The following GPS1 variants were observed in gnomAD, a reference collection of about 807,000 sequenced individuals.
GPS1 encodes the protein G protein pathway suppressor 1, also known as COP9 signalosome complex subunit 1.
GPS1 carries 11 observed loss-of-function variants against 60.0 expected under a neutral mutation model. That is an observed-to-expected ratio of 0.18 (90% CI 0.12 to 0.30). The LOEUF (loss-of-function observed/expected upper bound fraction) is 0.30. Ranked by LOEUF, GPS1 falls within the 10% of genes least tolerant of loss-of-function variation. The pLI is 1.00. For missense variants in GPS1, 543 were observed against 669.2 expected (o/e 0.81, Z 2.08); for synonymous variants, 343 against 269.8 (o/e 1.27, Z -2.66).
In GPS1 at chr17:82,056,741, G is replaced by A. The variant is rs371322935; in HGVS notation, c.1229G>A (p.Ser410Asn). 15 of 1,588,152 alleles carry A rather than the reference G, an allele frequency of 9.4e-6. No individual in the cohort carries two copies. The African/African-American group carries it at 1.9e-4, about 20-fold the overall frequency. The change falls in exon 11 of 13, where the codon AGT (serine) becomes AAT (asparagine). Residue 410 changes from serine to asparagine, a missense_variant. This residue lies in a region of GPS1 where 291 missense variants were observed against 353.7 expected (regional missense o/e 0.82). Transcript: ENST00000578552. Reference protein sequence around the residue: ...LTQLILEGLISARVDSHSKIL... With the variant: ...LTQLILEGLINARVDSHSKIL... ...CAGCTAATCCTGGAGGGGCTGATCA[G>A]TGCCCGTGTGGACTCACACAGCAAG...
rs767711993 is a variant in GPS1, at chr17:82,056,687, C to T, written c.1175C>T (p.Thr392Met). Residue 392 changes from threonine (T) to methionine (M), a missense_variant, in exon 11 of 13, where the codon ACG (threonine) becomes ATG (methionine). By Grantham distance (81) the Thr-to-Met change is moderately conservative. Transcript: ENST00000578552. ...AGGATGGCGGCAGCCTTCAATACCA[C>T]GGTGGCCGCCCTGGAGGACGAGCTG... ...MHRMAAAFNTTVAALEDELTQ... is the reference protein window; with the variant it reads ...MHRMAAAFNTMVAALEDELTQ... The T allele has an allele frequency of 1.9e-6, 3 of 1,597,208 alleles. No homozygotes were observed. Among genetic ancestry groups the T allele is most frequent in the Admixed American group, 1.7e-5 (1 of 59,106 alleles).
chr17:82,057,342 T>C lies in GPS1; in HGVS notation c.*215T>C, dbSNP rs1598537591. 1.4e-6 allele frequency: 1 copy of C among 726,070 alleles called. No homozygotes were observed. The highest frequency in any genetic ancestry group is 1.7e-5 in the African/African-American group (1 of 57,630). The allele number at this position is 726,070 out of a possible 1,614,324, so 45.0% of individuals were successfully genotyped here. ...GGCCTGCAGGGCTCGACCCTGTGGGTTTCTGTCCCCAGGGAGCAGACTGTG... is the reference window on the plus strand; with the variant it reads ...GGCCTGCAGGGCTCGACCCTGTGGGCTTCTGTCCCCAGGGAGCAGACTGTG... On this transcript the variant is annotated 3_prime_UTR_variant, in exon 13 of 13. Transcript: ENST00000578552.
upstream of GPS1, chr17:82,051,666 G>T: frequency 1.0e-6 from 1 of 999,004 alleles, no homozygotes; most frequent in Non-Finnish European, 1.2e-6. The surrounding 1 kb of genome is among the most constrained non-coding windows in gnomAD (Gnocchi z 4.1). Flanking sequence ...CCGGGCCGGG[G>T]CGGGCGCGCG....
Position 82,053,278 on chromosome 17 carries a change from C to G in GPS1, c.38C>G (p.Ala13Gly). 6.5e-7 allele frequency: 1 copy of G among 1,541,358 alleles called. No individual in the cohort carries two copies. Among genetic ancestry groups the G allele is most frequent in the South Asian group, 1.2e-5 (1 of 80,466 alleles). ...LPVQVFNLQG[A>G]VEPMQIDVDP... ...GGTGCCTGGCCCATGTTGCAGGGGGCCGTGGAGCCCATGCAGATCGACGTG... is the reference window on the plus strand; with the variant it reads ...GGTGCCTGGCCCATGTTGCAGGGGGGCGTGGAGCCCATGCAGATCGACGTG... The change falls in exon 2 of 13, where the codon GCC becomes GGC. Residue 13 changes from alanine to glycine, a missense_variant. Physicochemically the swap from Ala to Gly is moderately conservative, Grantham distance 60. This residue lies in a region of GPS1 where 181 missense variants were observed against 188.8 expected (regional missense o/e 0.96). Coordinates refer to ENST00000578552, the MANE Select transcript of GPS1 (RefSeq NM_001321092.3).
At chr17:82,054,199 G>C in intron 3 of GPS1, 150 bp downstream of exon 3, 1 of 879,044 alleles carries the variant, frequency 1.1e-6, no homozygotes, top group Non-Finnish European at 1.7e-6. Context: ...GCCAGCAGTG[G>C]AAGTGCCCTG....
At chr17:82,052,552 C>T in intron 1 of GPS1, 3 of 1,443,080 alleles carry the variant, frequency 2.1e-6, no homozygotes, top group African/African-American at 1.4e-5. Context: ...CTCTGCTGGC[C>T]GAGGACAGGG....
chr17:82,056,206 G>A, intron 8 of GPS1, 80 bp from the exon 9 acceptor site: 2 of 1,364,718 alleles, frequency 1.5e-6, no homozygotes, highest in Admixed American at 1.7e-5. Context: ...TCAGGTGTTT[G>A]TCTGGGGACT....
In GPS1 at chr17:82,056,457, G is replaced by A. The variant is rs768089074; in HGVS notation, c.1036-13G>A. ...TGGCCTCCTGTCCTGGTCCTGACCAGCCCCTTCCCCAGGACAACCTGCTCC... is the reference window on the plus strand; with the variant it reads ...TGGCCTCCTGTCCTGGTCCTGACCAACCCCTTCCCCAGGACAACCTGCTCC... On this transcript the variant is annotated splice_polypyrimidine_tract_variant and intron_variant, in intron 9 of 12. Coordinates refer to ENST00000578552, the MANE Select transcript of GPS1 (RefSeq NM_001321092.3). 51 of 1,613,010 alleles carry A rather than the reference G, an allele frequency of 3.2e-5. 2 individuals carry two copies. In the South Asian group the frequency reaches 5.5e-4, roughly 17 times the overall value.
upstream of GPS1, chr17:82,051,601 G>A (rs1251246898): frequency 3.0e-5 from 38 of 1,282,966 alleles, no homozygotes; most frequent in African/African-American, 4.7e-4. This position sits in a 1 kb window ranked among gnomAD's most constrained non-coding sequence, Gnocchi z 4.1. Context: ...TCGTCAGGCC[G>A]CAGGCTGGGG....
chr17:82,051,549 G>A (rs1448340494), upstream of GPS1: 4 of 1,398,272 alleles, frequency 2.9e-6, no homozygotes, highest in African/African-American at 1.5e-5. This position sits in a 1 kb window ranked among gnomAD's most constrained non-coding sequence, Gnocchi z 4.1. Flanking sequence ...CCGCAGGCGC[G>A]GCCCGTGGTT....
In GPS1 at chr17:82,053,262, C is replaced by T. The variant is rs774388126; in HGVS notation, c.34-12C>T. ...CCAGGACGAGGTGCCAGGTGCCTGGCCCATGTTGCAGGGGGCCGTGGAGCC... is the reference window on the plus strand; with the variant it reads ...CCAGGACGAGGTGCCAGGTGCCTGGTCCATGTTGCAGGGGGCCGTGGAGCC... On this transcript the variant is annotated splice_polypyrimidine_tract_variant and intron_variant, in intron 1 of 12. Transcript: ENST00000578552. 2 of 1,529,636 alleles carry T rather than the reference C, an allele frequency of 1.3e-6. No individual in the cohort carries two copies. The highest frequency in any genetic ancestry group is 2.4e-5 in the Admixed American group (1 of 41,600). The allele number at this position is 1,529,636 out of a possible 1,614,324, so 94.8% of individuals were successfully genotyped here.
chr17:82,055,916 T>A lies in GPS1; in HGVS notation c.835-85T>A, dbSNP rs562681883. On this transcript the variant is annotated intron_variant, in intron 7 of 12. Transcript: ENST00000578552. Reference sequence around the variant, plus strand: ...AGGGTGAGGTCTCTCACAAATGGGGTCTTAGGCATTCTCCGAGCGGGTGAT... The same window carrying A: ...AGGGTGAGGTCTCTCACAAATGGGGACTTAGGCATTCTCCGAGCGGGTGAT... 6.7e-5 allele frequency: 96 copies of A among 1,426,176 alleles called. 1 individual carries two copies. In the African/African-American group the frequency reaches 1.3e-3, roughly 19 times the overall value. 88.3% of individuals were successfully genotyped at this position (1,426,176 alleles called of 1,614,324 possible).
At chr17:82,057,006 G>C in intron 12 of GPS1, 32 bp downstream of exon 12, 1 of 1,612,022 alleles carries the variant, frequency 6.2e-7, no homozygotes, top group Non-Finnish European at 8.5e-7. Flanking sequence ...CAGGCGCACG[G>C]CGTGTGGGGC....
chr17:82,056,158 G>A lies in GPS1; in HGVS notation c.929+63G>A, dbSNP rs187717950. 2.4e-5 allele frequency: 34 copies of A among 1,446,098 alleles called. No individual in the cohort carries two copies. The highest frequency in any genetic ancestry group is 2.3e-4 in the East Asian group (10 of 43,908). The allele number at this position is 1,446,098 out of a possible 1,614,324, so 89.6% of individuals were successfully genotyped here. A position where few individuals can be genotyped will look rare whatever the true frequency, so the allele number is the denominator to read the frequency against. On this transcript the variant is annotated intron_variant, in intron 8 of 12. Transcript: ENST00000578552. ...CGTCCCTCTCCGTGGCTGCTGCTTC[G>A]GCCTTGCATGTCCTGGCCCCCTGGC...
At chr17:82,053,639 GC>G in intron 2 of GPS1, 3 of 559,146 alleles carry the variant, frequency 5.4e-6, no homozygotes, top group South Asian at 2.6e-5. Context: ...ATCCCCGAAA[GC>G]CCCCGGGTGC....
chr17:82,053,594 T>A (rs1399630614), intron 2 of GPS1: 1 of 524,116 alleles, frequency 1.9e-6, no homozygotes, highest in Non-Finnish European at 3.3e-6. Flanking sequence ...TCCTCCCCGC[T>A]CAGCCTAGCG....
rs765850933 is a variant in GPS1 at position 82,057,318 on chromosome 17, GC to G, written c.*193del. On this transcript the variant is annotated 3_prime_UTR_variant, in exon 13 of 13. Transcript: ENST00000578552. ...GTTGTGGCCCTTCCTGGAAGGAGAG[GC>G]CTGCAGGGCTCGACCCTGTGGGTTT... 2.6e-6 allele frequency: 2 copies of G among 778,696 alleles called. No homozygotes were observed. Among genetic ancestry groups the G allele is most frequent in the African/African-American group, 3.4e-5 (2 of 58,412 alleles). The allele number at this position is 778,696 out of a possible 1,614,324, so 48.2% of individuals were successfully genotyped here.
At chr17:82,053,543 C>A in intron 2 of GPS1, 177 bp downstream of exon 2, 2 of 536,402 alleles carry the variant, frequency 3.7e-6, no homozygotes, top group Admixed American at 3.8e-5. Context: ...AGGCTTGTAG[C>A]TCAGCTTCAG....
chr17:82,054,879 C>T lies in GPS1; in HGVS notation c.610-19C>T. The T allele has an allele frequency of 6.4e-7, 1 of 1,571,094 alleles. No individual in the cohort carries two copies. The highest frequency in any genetic ancestry group is 8.6e-7 in the Non-Finnish European group (1 of 1,156,996). Reference sequence around the variant, plus strand: ...CATTGGGGCGCCCGGGCTCACTTGGCTCTGCGCCCCCCCGCCAGGTCAGCG... The same window carrying T: ...CATTGGGGCGCCCGGGCTCACTTGGTTCTGCGCCCCCCCGCCAGGTCAGCG... On this transcript the variant is annotated intron_variant, in intron 4 of 12. Transcript: ENST00000578552.
Sources: gnomAD v4.1 joint callset for allele counts on GRCh38, gnomAD v4.1.1 for gene constraint, gnomAD v4.1.1 regional missense constraint, Gnocchi (gnomAD v3.1) non-coding constraint, MANE v1.5 for transcripts, NCBI Gene and HGNC (gene_info 2026-07-23, HGNC 2026-07-21) for gene names.